CNOT1: variants seen among roughly 807,000 people sequenced by gnomAD.
The protein encoded by CNOT1 is CCR4-NOT transcription complex subunit 1, also known as CCR4-associated factor 1.
Under a neutral mutation model 273.8 loss-of-function variants are expected in CNOT1, and 15 were observed. The observed-to-expected ratio is 0.05, with a 90% CI of 0.04 to 0.08. The LOEUF is 0.08. CNOT1 is among the 10% of genes least tolerant of loss of function. The pLI, the probability that CNOT1 is intolerant of heterozygous loss-of-function variation, is 1.00. For synonymous variants in CNOT1, 1,022 were observed against 1,005.5 expected (o/e 1.02, Z -0.31); for missense variants, 1,644 against 2,912.2 (o/e 0.56, Z 10.02).
At chr16:58,565,111 C>A (rs1052604784) in intron 16 of CNOT1, among the ~76,000 whole-genome samples, 1 of 152,088 alleles carries the variant, frequency 6.6e-6, no homozygotes, top group African/African-American at 2.4e-5. Flanking sequence ...TCCCTAAATG[C>A]TTCACTACAT....
Position 58,537,942 on chromosome 16 carries a change from A to G in CNOT1, c.5363T>C (p.Ile1788Thr). The change falls in exon 38 of 49, where the codon ATT becomes ACT. Residue 1788 changes from isoleucine to threonine, a missense_variant. This residue lies in a region of CNOT1 where 133 missense variants were observed against 328.2 expected (regional missense o/e 0.41). Transcript: ENST00000317147. ...HVTEADLFHT[I>T]ETLMRINAHS... ...AGCATTAATCCTCATGAGGGTTTCA[A>G]TGGTGTGGAACAGATCTGCCTCAGT... is the stretch of plus-strand genomic sequence containing the variant. 1.2e-6 allele frequency: 2 copies of G among 1,614,148 alleles called. No individual in the cohort carries two copies. The highest frequency in any genetic ancestry group is 1.7e-6 in the Non-Finnish European group (2 of 1,180,030).
chr16:58,574,350 T>C (rs1367582736), intron 16 of CNOT1, among the ~76,000 whole-genome samples: 1 of 151,622 alleles, frequency 6.6e-6, no homozygotes, highest in Non-Finnish European at 1.5e-5. Context: ...AAAGGCAAAG[T>C]AGTGGTCTCA....
chr16:58,536,580 T>C (rs2039937652), intron 39 of CNOT1, among the ~76,000 whole-genome samples: 1 of 152,050 alleles, frequency 6.6e-6, no homozygotes, highest in Non-Finnish European at 1.5e-5. Flanking sequence ...AATTAGAAAA[T>C]ACAATAAAAC....
chr16:58,522,504 G>C (rs1265039774), intron 47 of CNOT1, among the ~76,000 whole-genome samples: 1 of 80,008 alleles, frequency 1.2e-5, no homozygotes, highest in East Asian at 3.1e-3. Context: ...AGCACCATAG[G>C]TGACTAATTA....
intron 16 of CNOT1, among the ~76,000 whole-genome samples, chr16:58,566,487 TA>T (rs571253655): frequency 3.1e-4 from 47 of 152,356 alleles, no homozygotes; most frequent in Non-Finnish European, 5.7e-4. Flanking sequence ...AACAGGCAAT[TA>T]ACTTTCCAGA....
At chr16:58,602,287 T>C (rs1355385888) in intron 1 of CNOT1, among the ~76,000 whole-genome samples, 1 of 151,926 alleles carries the variant, frequency 6.6e-6, no homozygotes, top group African/African-American at 2.4e-5. Flanking sequence ...GTGAGGCTGG[T>C]CTCGAACTCC....
chr16:58,556,997 G>A lies in CNOT1; in HGVS notation c.2333-4C>T. 1 of 1,612,620 alleles carries A rather than the reference G, an allele frequency of 6.2e-7. No homozygotes were observed. The highest frequency in any genetic ancestry group is 1.3e-5 in the African/African-American group (1 of 75,014). On this transcript the variant is annotated splice_region_variant and splice_polypyrimidine_tract_variant and intron_variant, in intron 18 of 48. Coordinates refer to ENST00000317147, the MANE Select transcript of CNOT1 (RefSeq NM_016284.5). ...CTGCCTGTGCCAAGACCACCTACTA[G>A]AGAGAACGAAGGCAGCCACAAATCC... is the stretch of plus-strand genomic sequence containing the variant.
At chr16:58,589,449 T>A (rs574685788) in intron 2 of CNOT1, among the ~76,000 whole-genome samples, 1 of 152,044 alleles carries the variant, frequency 6.6e-6, no homozygotes, top group African/African-American at 2.4e-5. Flanking sequence ...GAGACAGAGG[T>A]TGCAGTGAGC....
chr16:58,609,457 G>C (rs1329781605), intron 1 of CNOT1, among the ~76,000 whole-genome samples: 1 of 151,990 alleles, frequency 6.6e-6, no homozygotes, highest in Non-Finnish European at 1.5e-5. Context: ...ATAACCTATA[G>C]AAATAAAAAT....
chr16:58,529,106 A>G (rs1190680955), intron 43 of CNOT1, among the ~76,000 whole-genome samples: 1 of 152,184 alleles, frequency 6.6e-6, no homozygotes, highest in Non-Finnish European at 1.5e-5. Flanking sequence ...AAAAATTATT[A>G]ATGTCAGGAA....
intron 30 of CNOT1, among the ~76,000 whole-genome samples, chr16:58,544,982 C>T (rs1459869359): frequency 6.6e-6 from 1 of 152,154 alleles, no homozygotes; most frequent in Non-Finnish European, 1.5e-5. Context: ...TCATTTCCAG[C>T]CTTCAGGTGG....
chr16:58,537,079 T>C lies in CNOT1; in HGVS notation c.5556A>G (p.Ala1852=). 6.2e-7 allele frequency: 1 copy of C among 1,614,248 alleles called. No homozygotes were observed. Among genetic ancestry groups the C allele is most frequent in the Non-Finnish European group, 8.5e-7 (1 of 1,180,048 alleles). Residue 1852 remains alanine, a synonymous_variant, in exon 39 of 49, where the codon GCA becomes GCG. Transcript: ENST00000317147. ...TCACCCATTCCCTCAGAAGATACTC[T>C]GCCTTCTCCCTCAGGCCTGGAGGGT... ...YDDPPGLREK[A]EYLLREWVNL... is the part of the protein sequence containing the mutation.
chr16:58,628,599 TAA>T (rs11394544), intron 1 of CNOT1, among the ~76,000 whole-genome samples: 3 of 141,100 alleles, frequency 2.1e-5, no homozygotes, highest in Non-Finnish European at 1.5e-5. Flanking sequence ...ATCACTGACT[TAA>T]AAAAAAAAAA....
chr16:58,532,294 C>T lies in CNOT1; in HGVS notation c.5997G>A (p.Leu1999=). ...PYHRIFIMLL[L]ELNAPEHVLE... is the part of the protein sequence containing the mutation. ...ACACATGCTCAGGTGCATTGAGTTC[C>T]AAGAGAAGCATGATAAAAATTCGAT... is the stretch of plus-strand genomic sequence containing the variant. The change falls in exon 41 of 49, where the codon TTG becomes TTA. Residue 1999 remains leucine (L), a synonymous_variant. Coordinates refer to ENST00000317147, the MANE Select transcript of CNOT1 (RefSeq NM_016284.5). 6.2e-7 allele frequency: 1 copy of T among 1,614,064 alleles called. No homozygotes were observed. The highest frequency in any genetic ancestry group is 8.5e-7 in the Non-Finnish European group (1 of 1,180,026).
chr16:58,548,494 T>A (rs895830581), intron 25 of CNOT1: 2 of 514,428 alleles, frequency 3.9e-6, no homozygotes, highest in South Asian at 2.8e-5. Flanking sequence ...AAAAACGAAA[T>A]AGAGCCATGT....
intron 1 of CNOT1, among the ~76,000 whole-genome samples, chr16:58,625,696 A>G (rs1302605573): frequency 6.6e-6 from 1 of 150,838 alleles, no homozygotes; most frequent in Non-Finnish European, 1.5e-5. Flanking sequence ...AAAAAAAAAG[A>G]AAAAAAACAA....
intron 2 of CNOT1, among the ~76,000 whole-genome samples, chr16:58,595,885 T>C (rs2042233578): frequency 6.6e-6 from 1 of 152,012 alleles, no homozygotes; most frequent in South Asian, 2.1e-4. Flanking sequence ...AAGTCAGAGG[T>C]GGAAAGATAC....
intron 1 of CNOT1, among the ~76,000 whole-genome samples, chr16:58,625,279 G>T (rs1432055976): frequency 2.6e-5 from 4 of 152,060 alleles, no homozygotes; most frequent in Non-Finnish European, 5.9e-5. Context: ...TTGGGAGGCC[G>T]AGGCAGGTGG....
Position 58,625,871 on chromosome 16 carries a change from A to C in CNOT1, c.-175+3857T>G, listed in dbSNP as rs1025195448. Among the ~76,000 whole-genome samples the C allele has an allele frequency of 3.6e-4, 54 of 151,636 alleles. 2 individuals carry two copies. Among genetic ancestry groups the C allele is most frequent in the Admixed American group, 2.8e-3 (43 of 15,174 alleles). ...AAACCCTGTCTCAAAAAAAAAAAAA[A>C]AAAAAACTATTGTATACACTGGGGG... On this transcript the variant is annotated intron_variant, in intron 1 of 48. Transcript: ENST00000317147.
Sources: allele counts gnomAD v4.1 joint callset (sites outside exome capture counted in the v4.1 genomes callset), GRCh38; gene constraint gnomAD v4.1.1; regional missense constraint gnomAD v4.1.1; transcripts MANE v1.5; gene names NCBI Gene and HGNC (gene_info 2026-07-23, HGNC 2026-07-21).